SCUBE1: variants seen among roughly 807,000 people sequenced by gnomAD.
SCUBE1 encodes signal peptide, CUB and EGF-like domain-containing protein 1.
Under a neutral mutation model 124.4 loss-of-function variants are expected in SCUBE1, and 59 were observed. That is an observed-to-expected ratio of 0.47 (90% confidence interval 0.38 to 0.59). The LOEUF is 0.59. Ranked by LOEUF, SCUBE1 falls within the 20% of genes least tolerant of loss-of-function variation. The pLI is 0.00. For synonymous variants in SCUBE1, 545 were observed against 550.9 expected (o/e 0.99, Z 0.15); for missense variants, 1,150 against 1,371.2 (o/e 0.84, Z 2.55).
At chr22:43,239,323 C>T (rs1255596585) in intron 6 of SCUBE1, among the ~76,000 whole-genome samples, 1 of 152,264 alleles carries the variant, frequency 6.6e-6, no homozygotes, top group East Asian at 1.9e-4. Context: ...AAACTTTGAC[C>T]TGCCTGGACT....
At chr22:43,332,687 C>G (rs1163981792) in intron 2 of SCUBE1, among the ~76,000 whole-genome samples, 1 of 152,226 alleles carries the variant, frequency 6.6e-6, no homozygotes, top group Non-Finnish European at 1.5e-5. Context: ...CAGACTAGCT[C>G]TCTCTCTGTG....
chr22:43,301,450 A>T (rs1044092812), intron 3 of SCUBE1, among the ~76,000 whole-genome samples: 1 of 151,706 alleles, frequency 6.6e-6, no homozygotes, highest in Non-Finnish European at 1.5e-5. Context: ...CTCTCCCTTG[A>T]CCCCAGCTGT....
chr22:43,310,069 A>T (rs1423308108), intron 3 of SCUBE1, among the ~76,000 whole-genome samples: 1 of 152,118 alleles, frequency 6.6e-6, no homozygotes, highest in African/African-American at 2.4e-5. Context: ...CAGGTAACAG[A>T]ATAAAATCCA....
intron 2 of SCUBE1, among the ~76,000 whole-genome samples, chr22:43,325,946 TA>T (rs796307891): frequency 5.9e-5 from 9 of 151,828 alleles, no homozygotes; most frequent in African/African-American, 2.2e-4. Flanking sequence ...TTTTTTTTTT[TA>T]ATCATTTAAT....
At chr22:43,301,569 G>A (rs1235732598) in intron 3 of SCUBE1, among the ~76,000 whole-genome samples, 5 of 152,108 alleles carry the variant, frequency 3.3e-5, no homozygotes, top group Admixed American at 2.6e-4. Context: ...CTCACGTGCC[G>A]CTTTCCCAGA....
At chr22:43,239,623 C>T (rs990999864) in intron 6 of SCUBE1, among the ~76,000 whole-genome samples, 2 of 152,264 alleles carry the variant, frequency 1.3e-5, no homozygotes, top group East Asian at 1.9e-4. Context: ...TCATTGAAGC[C>T]GTCATGCCGT....
rs1178200124 is a variant in SCUBE1, at chr22:43,204,101, T to A, written c.2863A>T (p.Asn955Tyr). Residue 955 changes from asparagine to tyrosine, a missense_variant, in exon 22 of 22, where the codon AAC becomes TAC. Coordinates refer to ENST00000360835, the MANE Select transcript of SCUBE1 (RefSeq NM_173050.5). Reference protein sequence around the residue: ...ALFDVLAHPQNYFKYTAQESK... With the variant: ...ALFDVLAHPQYYFKYTAQESK... ...TCCTGGGCTGTGTACTTGAAGTAGTTCTGGGGATGCGCCAGCACGTCGAAG... is the reference window on the plus strand; with the variant it reads ...TCCTGGGCTGTGTACTTGAAGTAGTACTGGGGATGCGCCAGCACGTCGAAG... 15 of 1,614,000 alleles carry A rather than the reference T, an allele frequency of 9.3e-6. No homozygotes were observed. The highest frequency in any genetic ancestry group is 1.2e-5 in the Non-Finnish European group (14 of 1,180,012).
At chr22:43,221,101 C>A in intron 13 of SCUBE1, 72 bp downstream of exon 13, 1 of 1,221,966 alleles carries the variant, frequency 8.2e-7, no homozygotes, top group Non-Finnish European at 1.2e-6. Flanking sequence ...GACCCTGGGG[C>A]CCCAGCTCCC....
intron 6 of SCUBE1, among the ~76,000 whole-genome samples, chr22:43,251,064 A>G (rs559837598): frequency 1.6e-4 from 24 of 152,244 alleles, no homozygotes; most frequent in African/African-American, 5.5e-4. Context: ...GGGGAGACTC[A>G]CTGGAAAGCT....
chr22:43,330,436 C>T (rs1192731073), intron 2 of SCUBE1, among the ~76,000 whole-genome samples: 1 of 152,234 alleles, frequency 6.6e-6, no homozygotes, highest in Admixed American at 6.5e-5. Context: ...TTCTCTACTT[C>T]ATCCTGTCTT....
At chr22:43,245,230 G>A (rs1418083983) in intron 6 of SCUBE1, among the ~76,000 whole-genome samples, 2 of 152,248 alleles carry the variant, frequency 1.3e-5, no homozygotes, top group East Asian at 3.9e-4. Flanking sequence ...CACCACGAAT[G>A]TGGCCTCCCT....
At chr22:43,338,545 A>G (rs1037314048) in intron 2 of SCUBE1, among the ~76,000 whole-genome samples, 1 of 151,200 alleles carries the variant, frequency 6.6e-6, no homozygotes, top group Non-Finnish European at 1.5e-5. Flanking sequence ...TTTTTTTTTG[A>G]GACAGAGTCT....
At position 43,211,519 on chromosome 22, in the gene SCUBE1, T is replaced by C. The variant is rs1244897762; in HGVS notation, c.2222-436A>G. Reference sequence around the variant, plus strand: ...GGGCGGGGGGCTAGAGATGGGCAATTCTTTTTTTTTTTTTTTGAGATGGAG... The same window carrying C: ...GGGCGGGGGGCTAGAGATGGGCAATCCTTTTTTTTTTTTTTTGAGATGGAG... On this transcript the variant is annotated intron_variant, in intron 17 of 21. Transcript: ENST00000360835. This position sits in a 1 kb window ranked among gnomAD's most constrained non-coding sequence, Gnocchi z 4.5. Among the ~76,000 whole-genome samples the C allele has an allele frequency of 6.8e-6, 1 of 147,538 alleles. No homozygotes were observed. The highest frequency in any genetic ancestry group is 2.0e-4 in the East Asian group (1 of 5,118).
chr22:43,254,305 T>G (rs1923573003), intron 6 of SCUBE1, among the ~76,000 whole-genome samples: 1 of 152,174 alleles, frequency 6.6e-6, no homozygotes, highest in African/African-American at 2.4e-5. Context: ...GCCAGACCCA[T>G]GAGCTCCTCG....
chr22:43,250,450 T>C (rs1023194821), intron 6 of SCUBE1, among the ~76,000 whole-genome samples: 7 of 152,198 alleles, frequency 4.6e-5, no homozygotes, highest in Non-Finnish European at 8.8e-5. Flanking sequence ...GCACTGCTTC[T>C]TGGGCAGTGT....
Position 43,199,043 on chromosome 22 carries a change from G to T in SCUBE1, c.*4954C>A. The T allele has an allele frequency of 3.2e-6, 1 of 310,366 alleles. No individual in the cohort carries two copies. The highest frequency in any genetic ancestry group is 6.3e-6 in the Non-Finnish European group (1 of 159,852). 19.2% of individuals were successfully genotyped at this position (310,366 alleles called of 1,614,324 possible). ...TCTGTTTGTCTCTCTGCTGTCCAGG[G>T]CAATGTGTCTGTTTGTCTGTCTGCT... On this transcript the variant is annotated 3_prime_UTR_variant, in exon 22 of 22. Transcript: ENST00000360835.
intron 6 of SCUBE1, among the ~76,000 whole-genome samples, chr22:43,254,544 TAG>T: frequency 6.6e-6 from 1 of 152,164 alleles, no homozygotes; most frequent in East Asian, 1.9e-4. Flanking sequence ...GACTTTTGGG[TAG>T]AGCTCAGCCC....
chr22:43,316,982 A>AC (rs1180875185), intron 3 of SCUBE1: 2 of 152,222 alleles, frequency 1.3e-5, no homozygotes, highest in African/African-American at 4.8e-5. Flanking sequence ...AGCACTCAGG[A>AC]CACCCAGTAT....
intron 8 of SCUBE1, among the ~76,000 whole-genome samples, chr22:43,230,407 C>T (rs1341557212): frequency 6.6e-6 from 1 of 151,788 alleles, no homozygotes; most frequent in Non-Finnish European, 1.5e-5. Context: ...GCCCAGAGCC[C>T]CAAGGCCTCA....
Sources: allele counts gnomAD v4.1 joint callset (sites outside exome capture counted in the v4.1 genomes callset), GRCh38; gene constraint gnomAD v4.1.1; non-coding constraint Gnocchi (gnomAD v3.1); transcripts MANE v1.5; gene names NCBI Gene and HGNC (gene_info 2026-07-23, HGNC 2026-07-21).